Variants in TBC1D22A observed in about 807,000 individuals in gnomAD.
TBC1D22A encodes the protein TBC1 domain family member 22A, also known as putative GTPase activator.
In TBC1D22A, 38 loss-of-function variants were observed where a neutral mutation model predicts 60.2. That is an observed-to-expected ratio of 0.63 (90% CI 0.49 to 0.83). The LOEUF (loss-of-function observed/expected upper bound fraction) is 0.83, where lower values mean the gene tolerates loss of function less well. Ranked by LOEUF, TBC1D22A falls within the 40% of genes least tolerant of loss-of-function variation. The pLI is 0.00. For missense variants in TBC1D22A, 628 were observed against 701.0 expected (o/e 0.90, Z 1.18); for synonymous variants, 302 against 281.7 (o/e 1.07, Z -0.72).
chr22:46,898,979 C>T (rs1425663879), intron 7 of TBC1D22A, among the ~76,000 whole-genome samples: 1 of 152,166 alleles, frequency 6.6e-6, no homozygotes, highest in Non-Finnish European at 1.5e-5. Context: ...CTGATCCTCT[C>T]CAGGTCCCAG....
At chr22:47,053,666 CAT>C (rs1706053472) in intron 11 of TBC1D22A, among the ~76,000 whole-genome samples, 1 of 152,238 alleles carries the variant, frequency 6.6e-6, no homozygotes, top group Admixed American at 6.5e-5. Context: ...AAACTTGTGA[CAT>C]ATTGTCGGGC....
At chr22:46,938,990 G>A (rs950191712) in intron 8 of TBC1D22A, among the ~76,000 whole-genome samples, 5 of 149,268 alleles carry the variant, frequency 3.3e-5, no homozygotes, top group African/African-American at 1.3e-4. Flanking sequence ...TCTTTTATAT[G>A]ATCCTTGAAT....
At chr22:46,805,832 GTCC>G (rs1292419663) in intron 4 of TBC1D22A, among the ~76,000 whole-genome samples, 1 of 137,668 alleles carries the variant, frequency 7.3e-6, no homozygotes, top group Non-Finnish European at 1.5e-5. Context: ...ATGTCTTTCT[GTCC>G]TTCTTCTTCT....
intron 12 of TBC1D22A, among the ~76,000 whole-genome samples, chr22:47,154,825 A>G (rs1223522537): frequency 6.6e-6 from 1 of 152,230 alleles, no homozygotes; most frequent in Non-Finnish European, 1.5e-5. Context: ...CTTTAGGAGC[A>G]GAAGCAGCCT....
intron 4 of TBC1D22A, among the ~76,000 whole-genome samples, chr22:46,820,857 T>A (rs1170395213): frequency 6.6e-6 from 1 of 152,174 alleles, no homozygotes; most frequent in Non-Finnish European, 1.5e-5. Flanking sequence ...TGTGTGGGAG[T>A]CTAAGTCTCT....
intron 4 of TBC1D22A, among the ~76,000 whole-genome samples, chr22:46,818,269 A>T (rs2147080263): frequency 6.6e-6 from 1 of 152,220 alleles, no homozygotes; most frequent in Non-Finnish European, 1.5e-5. Flanking sequence ...CTCATTTGTC[A>T]ATTTTGGCTT....
At chr22:46,884,710 CTT>C (rs2068025411) in intron 5 of TBC1D22A, among the ~76,000 whole-genome samples, 1 of 152,228 alleles carries the variant, frequency 6.6e-6, no homozygotes, top group Admixed American at 6.5e-5. Flanking sequence ...TCCCATAACA[CTT>C]TATTTACAAA....
chr22:46,775,031 G>T (rs1444158977), intron 1 of TBC1D22A, among the ~76,000 whole-genome samples: 2 of 152,230 alleles, frequency 1.3e-5, no homozygotes, highest in Admixed American at 1.3e-4. Flanking sequence ...CTGGCTCTAA[G>T]GCTTTCACCT....
At chr22:47,102,593 C>T (rs557456594) in intron 11 of TBC1D22A, among the ~76,000 whole-genome samples, 9 of 152,182 alleles carry the variant, frequency 5.9e-5, no homozygotes, top group Non-Finnish European at 1.3e-4. Flanking sequence ...GATAATTTAC[C>T]AAGTCATCCA....
intron 8 of TBC1D22A, among the ~76,000 whole-genome samples, chr22:46,916,683 C>T (rs575445336): frequency 1.3e-5 from 2 of 152,340 alleles, no homozygotes; most frequent in East Asian, 3.9e-4. Flanking sequence ...CCACCAGTTT[C>T]GCTCAGGCCC....
At position 46,918,680 on chromosome 22, in the gene TBC1D22A, C is replaced by T. The variant is rs149382612; in HGVS notation, c.1015+6492C>T. ...CATTTGATAGTGGGGATCTTGCTAG[C>T]GACCTGCCAAATCTGGCTGAAGAAT... On this transcript the variant is annotated intron_variant, in intron 8 of 12. Coordinates refer to ENST00000337137, the MANE Select transcript of TBC1D22A (RefSeq NM_014346.5). 3.2e-3 allele frequency among the ~76,000 whole-genome samples: 485 copies of T among 152,276 alleles called. 2 individuals are homozygous for T. Among genetic ancestry groups the T allele is most frequent in the African/African-American group, 0.011 (446 of 41,540 alleles).
intron 4 of TBC1D22A, among the ~76,000 whole-genome samples, chr22:46,874,184 T>A (rs986405376): frequency 6.6e-6 from 1 of 152,200 alleles, no homozygotes; most frequent in Non-Finnish European, 1.5e-5. Flanking sequence ...GAGTCTCTCA[T>A]TGATGGGCAT....
chr22:46,886,692 C>A (rs764411846), intron 5 of TBC1D22A, among the ~76,000 whole-genome samples: 1 of 152,142 alleles, frequency 6.6e-6, no homozygotes, highest in Non-Finnish European at 1.5e-5. Flanking sequence ...CATAGAAATG[C>A]GTATGATGGA....
At chr22:46,865,456 T>C (rs893100844) in intron 4 of TBC1D22A, among the ~76,000 whole-genome samples, 1 of 152,246 alleles carries the variant, frequency 6.6e-6, no homozygotes, top group Admixed American at 6.5e-5. Flanking sequence ...TCCAAAAATC[T>C]AAAATCTGAA....
intron 11 of TBC1D22A, among the ~76,000 whole-genome samples, chr22:47,090,508 T>C (rs746298835): frequency 1.5e-4 from 23 of 152,148 alleles, no homozygotes; most frequent in Non-Finnish European, 1.5e-4. Flanking sequence ...TACTGTCCTG[T>C]TTAGAAAATG....
At chr22:47,141,388 C>T (rs970016111) in intron 12 of TBC1D22A, among the ~76,000 whole-genome samples, 2 of 152,188 alleles carry the variant, frequency 1.3e-5, no homozygotes, top group African/African-American at 2.4e-5. Flanking sequence ...AGGTTCCCAT[C>T]GGTAGTCCTG....
intron 11 of TBC1D22A, among the ~76,000 whole-genome samples, chr22:47,082,732 A>G (rs756220081): frequency 4.6e-5 from 7 of 152,230 alleles, no homozygotes; most frequent in Non-Finnish European, 8.8e-5. Flanking sequence ...GACAACACTA[A>G]GTGCTGACAA....
At chr22:46,867,399 T>G (rs1375355529) in intron 4 of TBC1D22A, among the ~76,000 whole-genome samples, 1 of 152,244 alleles carries the variant, frequency 6.6e-6, no homozygotes, top group East Asian at 1.9e-4. Flanking sequence ...TGAAGGATTC[T>G]GTGTGTCAAA....
intron 12 of TBC1D22A, among the ~76,000 whole-genome samples, chr22:47,158,295 A>G (rs938603684): frequency 1.3e-5 from 2 of 152,240 alleles, no homozygotes; most frequent in African/African-American, 4.8e-5. Flanking sequence ...GAGCTGCAAC[A>G]ATAAAGTGCT....
Sources: gnomAD v4.1 joint callset for allele counts (sites outside exome capture counted in the v4.1 genomes callset) on GRCh38, gnomAD v4.1.1 for gene constraint, MANE v1.5 for transcripts, NCBI Gene and HGNC (gene_info 2026-07-23, HGNC 2026-07-21) for gene names.